The following SLC9C1 variants were observed in gnomAD, a reference collection of about 807,000 sequenced individuals.
The protein encoded by SLC9C1 is sodium/hydrogen exchanger 10.
A neutral mutation model predicts 140.9 loss-of-function variants in SLC9C1; 97 were observed. The observed-to-expected ratio is 0.69, with a 90% CI of 0.58 to 0.82. SLC9C1 has a LOEUF of 0.82. SLC9C1 is among the 40% of genes least tolerant of loss of function. The pLI is 0.00. For synonymous variants in SLC9C1, 440 were observed against 442.6 expected, an observed-to-expected ratio of 0.99 and a Z score of 0.07; for missense variants, 1,340 against 1,389.3, an observed-to-expected ratio of 0.96 and a Z score of 0.56.
At chr3:112,201,488 T>C (rs1412618209) in intron 18 of SLC9C1, among the ~76,000 whole-genome samples, 4 of 152,062 alleles carry the variant, frequency 2.6e-5, no homozygotes, top group Admixed American at 1.3e-4. Flanking sequence ...AGTTTCTCAA[T>C]GACAAAGTTT....
intron 16 of SLC9C1, among the ~76,000 whole-genome samples, chr3:112,205,850 A>G (rs2108053068): frequency 1.8e-5 from 2 of 113,140 alleles, no homozygotes; most frequent in South Asian, 8.5e-4. Context: ...ACAAAAATCA[A>G]TTCAAGATGG....
At chr3:112,250,678 C>G (rs185447825) in intron 10 of SLC9C1, among the ~76,000 whole-genome samples, 1 of 152,238 alleles carries the variant, frequency 6.6e-6, no homozygotes, top group African/African-American at 2.4e-5. Context: ...AAGTGCAAAT[C>G]AAAACCACAA....
chr3:112,262,912 A>G lies in SLC9C1; in HGVS notation c.1197+12T>C. On this transcript the variant is annotated intron_variant, in intron 10 of 28. Coordinates refer to ENST00000305815, the MANE Select transcript of SLC9C1 (RefSeq NM_183061.3). Reference sequence around the variant, plus strand: ...ATACAATATTCAGATAAGAAAATACAGCTTTCTTTACTTGAGATTTTTCTT... The same window carrying G: ...ATACAATATTCAGATAAGAAAATACGGCTTTCTTTACTTGAGATTTTTCTT... 1 of 1,552,716 alleles carries G rather than the reference A, an allele frequency of 6.4e-7. No individual in the cohort carries two copies. Among genetic ancestry groups the G allele is most frequent in the Non-Finnish European group, 8.6e-7 (1 of 1,157,482 alleles).
intron 25 of SLC9C1, among the ~76,000 whole-genome samples, chr3:112,168,360 CACACACA>C (rs778629328): frequency 0.049 from 4,819 of 99,232 alleles, 113 homozygotes; most frequent in South Asian, 0.074. Context: ...CACACACACA[CACACACA>C]ACTTCTTTCC....
intron 13 of SLC9C1, among the ~76,000 whole-genome samples, chr3:112,224,424 T>C (rs2078625538): frequency 6.6e-6 from 1 of 151,790 alleles, no homozygotes; most frequent in Non-Finnish European, 1.5e-5. Flanking sequence ...AGCAATAAAA[T>C]ATCTCACTGT....
At chr3:112,234,592 A>G (rs2078930938) in intron 12 of SLC9C1, among the ~76,000 whole-genome samples, 1 of 152,144 alleles carries the variant, frequency 6.6e-6, no homozygotes, top group South Asian at 2.1e-4. Context: ...GTTTCCTTCT[A>G]GGGTTCTTAT....
intron 12 of SLC9C1, among the ~76,000 whole-genome samples, chr3:112,232,854 T>A (rs1489545541): frequency 1.3e-5 from 2 of 151,924 alleles, no homozygotes; most frequent in South Asian, 2.1e-4. Context: ...GAAGGTGACA[T>A]CTCCCACAGC....
At chr3:112,203,393 C>T (rs988923899) in intron 17 of SLC9C1, among the ~76,000 whole-genome samples, 12 of 152,034 alleles carry the variant, frequency 7.9e-5, no homozygotes, top group Admixed American at 7.9e-4. Context: ...TCTAGCACTA[C>T]TTATGATCCC....
chr3:112,223,404 T>TA (rs2078594268), intron 13 of SLC9C1, among the ~76,000 whole-genome samples: 1 of 152,152 alleles, frequency 6.6e-6, no homozygotes. Context: ...TTTTGCTTTT[T>TA]AAAAAATTAA....
intron 18 of SLC9C1, among the ~76,000 whole-genome samples, chr3:112,201,968 G>A (rs535241854): frequency 6.6e-6 from 1 of 152,090 alleles, no homozygotes; most frequent in East Asian, 1.9e-4. Flanking sequence ...AGATCTTAGA[G>A]CTTGCATTGG....
chr3:112,254,714 A>C (rs2079555474), intron 10 of SLC9C1, among the ~76,000 whole-genome samples: 1 of 152,120 alleles, frequency 6.6e-6, no homozygotes, highest in Non-Finnish European at 1.5e-5. Flanking sequence ...CTAACAACAC[A>C]ATGGCAAGAT....
At chr3:112,240,323 GT>G (rs1316878172) in intron 11 of SLC9C1, among the ~76,000 whole-genome samples, 1 of 152,158 alleles carries the variant, frequency 6.6e-6, no homozygotes, top group African/African-American at 2.4e-5. Flanking sequence ...CTTTTTCCCA[GT>G]TTGATATATG....
chr3:112,215,513 C>T (rs4682094), intron 15 of SLC9C1, among the ~76,000 whole-genome samples: 114,657 of 151,844 alleles, frequency 0.76, 43,694 homozygotes, highest in East Asian at 0.99. Flanking sequence ...CAGCAAAGTC[C>T]CAGGATAAAA....
At chr3:112,179,483 T>A in intron 23 of SLC9C1, 48 bp downstream of exon 23, 1 of 1,546,676 alleles carries the variant, frequency 6.5e-7, no homozygotes. Flanking sequence ...TTAAATCTGA[T>A]ATTATTTAAC....
chr3:112,285,091 A>G (rs2080469897), intron 2 of SLC9C1, among the ~76,000 whole-genome samples: 1 of 142,914 alleles, frequency 7.0e-6, no homozygotes, highest in South Asian at 2.2e-4. Flanking sequence ...GGTTCATGCC[A>G]TTCTCCAGCC....
rs2077399376 is a variant in SLC9C1 at position 112,179,512 on chromosome 3, C to T, written c.2919+19G>A. The T allele has an allele frequency of 1.3e-6, 2 of 1,585,398 alleles. No homozygotes were observed. The highest frequency in any genetic ancestry group is 1.7e-6 in the Non-Finnish European group (2 of 1,171,688). On this transcript the variant is annotated intron_variant, in intron 23 of 28. Coordinates refer to ENST00000305815, the MANE Select transcript of SLC9C1 (RefSeq NM_183061.3). ...ATTTAACAAAATACAACAAAAGTCA[C>T]AGGCGAAGTTTTTCTGACCTCCACT... is the stretch of plus-strand genomic sequence containing the variant.
chr3:112,232,524 T>C (rs2078856139), intron 12 of SLC9C1, among the ~76,000 whole-genome samples: 1 of 152,172 alleles, frequency 6.6e-6, no homozygotes, highest in African/African-American at 2.4e-5. Flanking sequence ...TAAATTCCTA[T>C]CTGGAGCTTT....
intron 28 of SLC9C1, 72 bp from the exon 29 acceptor site, chr3:112,141,353 G>T (rs2074616818): frequency 6.7e-7 from 1 of 1,490,092 alleles, no homozygotes; most frequent in Non-Finnish European, 9.0e-7. Context: ...TTACAACCCA[G>T]AATAGGATGT....
At chr3:112,141,907 CT>C (rs2074636468) in intron 28 of SLC9C1, among the ~76,000 whole-genome samples, 2 of 152,130 alleles carry the variant, frequency 1.3e-5, no homozygotes, top group Admixed American at 6.5e-5. Context: ...TTGCCTTCCT[CT>C]TCATATTTTA....
Sources: gnomAD v4.1 joint callset for allele counts (sites outside exome capture counted in the v4.1 genomes callset) on GRCh38, gnomAD v4.1.1 for gene constraint, MANE v1.5 for transcripts, NCBI Gene and HGNC (gene_info 2026-07-23, HGNC 2026-07-21) for gene names.